Variants in RNASE4 observed in about 807,000 individuals in gnomAD.
The protein encoded by RNASE4 is ribonuclease A family member 4, also known as ribonuclease 4.
For synonymous variants in RNASE4, 93 were observed against 71.4 expected, an observed-to-expected ratio of 1.30 and a Z score of -1.52; for missense variants, 194 against 192.8, an observed-to-expected ratio of 1.01 and a Z score of -0.04.
At chr14:20,698,951 T>C in intron 1 of RNASE4, 1 of 158,904 alleles carries the variant, frequency 6.3e-6, no homozygotes, top group Non-Finnish European at 1.4e-5. Flanking sequence ...AATTGGAGCC[T>C]CCCGGGAACC....
chr14:20,698,075 C>T (rs1287364005), intron 1 of RNASE4, among the ~76,000 whole-genome samples: 1 of 152,090 alleles, frequency 6.6e-6, no homozygotes, highest in African/African-American at 2.4e-5. Context: ...GTGGAAAGAG[C>T]ACAGGGTGTA....
intron 1 of RNASE4, among the ~76,000 whole-genome samples, chr14:20,685,246 C>G (rs770925368): frequency 2.6e-5 from 4 of 152,178 alleles, no homozygotes; most frequent in Non-Finnish European, 4.4e-5. Context: ...AGACACTTGC[C>G]AACAGCCTCT....
intron 1 of RNASE4, among the ~76,000 whole-genome samples, chr14:20,687,696 G>A (rs879873740): frequency 1.3e-5 from 2 of 152,224 alleles, no homozygotes; most frequent in African/African-American, 4.8e-5. Context: ...CAGTCCTGGT[G>A]TTGGTTGAAT....
At chr14:20,692,897 G>T (rs1886845484) in intron 1 of RNASE4, among the ~76,000 whole-genome samples, 1 of 152,028 alleles carries the variant, frequency 6.6e-6, no homozygotes, top group South Asian at 2.1e-4. Flanking sequence ...GCCAAGGCTG[G>T]AGTGCAGTGG....
At chr14:20,695,650 A>T (rs2139031149) in intron 1 of RNASE4, among the ~76,000 whole-genome samples, 1 of 152,352 alleles carries the variant, frequency 6.6e-6, no homozygotes, top group Non-Finnish European at 1.5e-5. Context: ...GTGAACACAT[A>T]ATTATTGTGG....
chr14:20,684,775 GCTC>G lies in RNASE4; in HGVS notation c.-18+30_-18+32del, dbSNP rs879661808. On this transcript the variant is annotated intron_variant, in intron 1 of 1. Coordinates refer to ENST00000555835, the MANE Select transcript of RNASE4 (RefSeq NM_002937.5). Reference sequence around the variant, plus strand: ...GAGGCCGAGGTAGGTTCACACTCCTGCTCCTCCTCCTCCTCTCTGGTAGCTTCA... The same window carrying G: ...GAGGCCGAGGTAGGTTCACACTCCTGCTCCTCCTCCTCTCTGGTAGCTTCA... 9.8e-5 allele frequency: 15 copies of G among 153,440 alleles called. No individual in the cohort carries two copies. Among genetic ancestry groups the G allele is most frequent in the Non-Finnish European group, 2.0e-4 (14 of 69,106 alleles). 9.5% of individuals were successfully genotyped at this position (153,440 alleles called of 1,614,324 possible). A position where few individuals can be genotyped will look rare whatever the true frequency, so the allele number is the denominator to read the frequency against.
chr14:20,699,550 G>A lies in RNASE4; in HGVS notation c.179G>A (p.Arg60Gln), dbSNP rs1243670496. Residue 60 changes from arginine (R) to glutamine (Q), a missense_variant, in exon 2 of 2, where the codon CGG (arginine) becomes CAG (glutamine). Transcript: ENST00000555835. ...TACTGCAACTTGATGATGCAAAGAC[G>A]GAAGATGACTTTGTATCACTGCAAG... ...DRYCNLMMQR[R>Q]KMTLYHCKRF... is the part of the protein sequence containing the mutation. 1.1e-5 allele frequency: 18 copies of A among 1,614,032 alleles called. No homozygotes were observed. Among genetic ancestry groups the A allele is most frequent in the African/African-American group, 2.7e-5 (2 of 74,908 alleles).
intron 1 of RNASE4, among the ~76,000 whole-genome samples, chr14:20,689,846 G>A (rs1886621683): frequency 6.6e-6 from 1 of 151,296 alleles, no homozygotes. Flanking sequence ...AACCTGGGAG[G>A]TGGAGGTTGC....
At chr14:20,695,391 T>C (rs1887053923) in intron 1 of RNASE4, among the ~76,000 whole-genome samples, 1 of 127,000 alleles carries the variant, frequency 7.9e-6, no homozygotes, top group Non-Finnish European at 1.7e-5. Flanking sequence ...CGAGACTCCA[T>C]CTCAAAAAAA....
chr14:20,686,719 G>T (rs1220542104), intron 1 of RNASE4, among the ~76,000 whole-genome samples: 1 of 152,188 alleles, frequency 6.6e-6, no homozygotes, highest in Non-Finnish European at 1.5e-5. Context: ...TCCTGGAGAC[G>T]TGGTTCTTCT....
At chr14:20,697,013 C>A (rs139852513) in intron 1 of RNASE4, among the ~76,000 whole-genome samples, 1 of 152,258 alleles carries the variant, frequency 6.6e-6, no homozygotes, top group East Asian at 1.9e-4. Flanking sequence ...CAAAAGTGTG[C>A]GTTGGGATGA....
chr14:20,693,442 A>G (rs1886907775), intron 1 of RNASE4: 3 of 1,458,238 alleles, frequency 2.1e-6, no homozygotes, highest in East Asian at 2.3e-5. Context: ...GTGGTGGAAA[A>G]GATCTGATTC....
Position 20,693,677 on chromosome 14 carries a change from A to G in RNASE4, c.-17-5678A>G, listed in dbSNP as rs1594210106. The stretch of plus-strand genomic sequence containing the variant: ...TACACACACTTCCTGACCCAGCACT[A>G]TGATGCCAAACCACAGGGCCGGGAT... On this transcript the variant is annotated intron_variant, in intron 1 of 1. Transcript: ENST00000555835. 6.2e-7 allele frequency: 1 copy of G among 1,614,156 alleles called. No homozygotes were observed. The highest frequency in any genetic ancestry group is 8.5e-7 in the Non-Finnish European group (1 of 1,180,032).
At chr14:20,695,474 A>G (rs1415697871) in intron 1 of RNASE4, among the ~76,000 whole-genome samples, 3 of 152,100 alleles carry the variant, frequency 2.0e-5, no homozygotes, top group Non-Finnish European at 4.4e-5. Context: ...TTTGTTTTTA[A>G]GTTAACATAA....
chr14:20,694,101 G>A, intron 1 of RNASE4: 1 of 1,437,712 alleles, frequency 7.0e-7, no homozygotes, highest in South Asian at 1.2e-5. Flanking sequence ...TCATTGCCAA[G>A]GGCCCAAAGA....
chr14:20,696,980 A>C (rs976262562), intron 1 of RNASE4, among the ~76,000 whole-genome samples: 4 of 152,180 alleles, frequency 2.6e-5, no homozygotes, highest in African/African-American at 9.7e-5. Context: ...CAGTGGAGAA[A>C]GCGTTTGGGG....
intron 1 of RNASE4, among the ~76,000 whole-genome samples, chr14:20,695,070 T>G (rs1169376765): frequency 1.3e-5 from 2 of 152,206 alleles, no homozygotes; most frequent in Non-Finnish European, 2.9e-5. Flanking sequence ...CTTTATCAAC[T>G]AATGTCTGGC....
At chr14:20,692,738 C>A (rs180750198) in intron 1 of RNASE4, among the ~76,000 whole-genome samples, 25 of 152,346 alleles carry the variant, frequency 1.6e-4, no homozygotes, top group African/African-American at 5.5e-4. Context: ...CCCTAAAACT[C>A]TCTTCTTAGC....
rs1026978707 is a variant in RNASE4, at chr14:20,700,857, C to T, written c.*1042C>T. 6.6e-6 allele frequency: 1 copy of T among 152,568 alleles called. No individual in the cohort carries two copies. The highest frequency in any genetic ancestry group is 2.4e-5 in the African/African-American group (1 of 41,442). The allele number at this position is 152,568 out of a possible 1,614,324, so 9.5% of individuals were successfully genotyped here. Reference sequence around the variant, plus strand: ...GAGCTGTCAGGTCTCTGAGCCCAAGCCTGCACGTATACATCCAGATGGCCT... The same window carrying T: ...GAGCTGTCAGGTCTCTGAGCCCAAGTCTGCACGTATACATCCAGATGGCCT... On this transcript the variant is annotated 3_prime_UTR_variant, in exon 2 of 2. Transcript: ENST00000555835.
Sources: gnomAD v4.1 joint callset for allele counts (sites outside exome capture counted in the v4.1 genomes callset) on GRCh38, gnomAD v4.1.1 for gene constraint, MANE v1.5 for transcripts, NCBI Gene and HGNC (gene_info 2026-07-23, HGNC 2026-07-21) for gene names.